GPR143: variants seen among roughly 807,000 people sequenced by gnomAD.
GPR143 encodes the protein G protein-coupled receptor 143, also known as G-protein coupled receptor 143.
Under a neutral mutation model 27.6 loss-of-function variants are expected in GPR143, and 8 were observed. The ratio of observed to expected loss-of-function variants is 0.29; its 90% CI spans 0.17 to 0.52. The LOEUF (loss-of-function observed/expected upper bound fraction) is 0.52, where lower values mean the gene tolerates loss of function less well. Ranked by LOEUF, GPR143 falls within the 20% of genes least tolerant of loss-of-function variation. The probability of loss-of-function intolerance (pLI) is 0.96; values close to 1 mark genes in which losing one functional copy is unlikely to be tolerated. For synonymous variants in GPR143, 156 were observed against 153.2 expected, an observed-to-expected ratio of 1.02 and a Z score of -0.13; for missense variants, 303 against 343.1, an observed-to-expected ratio of 0.88 and a Z score of 0.92.
In GPR143 at chrX:9,743,668, A is replaced by G. The variant is rs149605054; in HGVS notation, c.664T>C (p.Ser222Pro). 1.2e-4 allele frequency: 130 copies of G among 1,081,244 alleles called. No homozygotes were observed. The highest frequency in any genetic ancestry group is 1.5e-4 in the Non-Finnish European group (113 of 777,461). 89.1% of individuals were successfully genotyped at this position (1,081,244 alleles called of 1,213,427 possible). ...LFQKTVTAVA[S>P]LLKGRQGIYT... Reference sequence around the variant, plus strand: ...ATGCCTTGTCTTCCTTTAAGTAAAGAGGCCACTGTGAAGAACAGAAGGAAC... The same window carrying G: ...ATGCCTTGTCTTCCTTTAAGTAAAGGGGCCACTGTGAAGAACAGAAGGAAC... Residue 222 changes from serine (S) to proline (P), a missense_variant, in exon 6 of 9, where the codon TCT becomes CCT. Ser to Pro is a moderately conservative substitution (Grantham distance 74). Coordinates refer to ENST00000467482, the MANE Select transcript of GPR143 (RefSeq NM_000273.3).
chrX:9,738,422 G>A (rs2083387710), intron 8 of GPR143: 1 of 747,292 alleles, frequency 1.3e-6, no homozygotes, highest in African/African-American at 2.3e-5. Flanking sequence ...GTACCAGACG[G>A]AAAGTCTGTA....
chrX:9,735,359 T>G (rs1418873008), intron 8 of GPR143, among the ~76,000 whole-genome samples: 1 of 110,795 alleles, frequency 9.0e-6, no homozygotes, highest in East Asian at 2.9e-4. Flanking sequence ...GCCACAACCG[T>G]CCCCAAACAA....
chrX:9,728,237 A>G (rs923946726), intron 8 of GPR143, among the ~76,000 whole-genome samples: 2 of 110,815 alleles, frequency 1.8e-5, no homozygotes, highest in Non-Finnish European at 3.8e-5. Flanking sequence ...CCCAATAAAC[A>G]TGGGGAATGG....
chrX:9,735,021 TTGA>T (rs1779887215), intron 8 of GPR143, among the ~76,000 whole-genome samples: 1 of 112,085 alleles, frequency 8.9e-6, no homozygotes, highest in South Asian at 3.7e-4. Flanking sequence ...ACACCTCGAC[TTGA>T]TGAGCAGAGA....
intron 1 of GPR143, among the ~76,000 whole-genome samples, chrX:9,764,490 G>T (rs1266558603): frequency 6.2e-5 from 6 of 97,469 alleles, no homozygotes; most frequent in African/African-American, 2.4e-4. Flanking sequence ...CAATAGAAAA[G>T]AATTTACACA....
At chrX:9,727,479 C>T (rs759309324) in intron 8 of GPR143, among the ~76,000 whole-genome samples, 71 of 112,064 alleles carry the variant, frequency 6.3e-4, no homozygotes, top group Non-Finnish European at 8.1e-4. Flanking sequence ...GGCAGGCCAT[C>T]TCCTGCAACA....
intron 6 of GPR143, among the ~76,000 whole-genome samples, chrX:9,742,721 G>A (rs777236563): frequency 3.6e-5 from 4 of 111,884 alleles, no homozygotes; most frequent in South Asian, 3.7e-4. Context: ...TGCTCAGGCC[G>A]TTCTCCAACC....
At chrX:9,726,324 A>G (rs1476155134) in intron 8 of GPR143, among the ~76,000 whole-genome samples, 1 of 111,313 alleles carries the variant, frequency 9.0e-6, no homozygotes, top group Non-Finnish European at 1.9e-5. Flanking sequence ...GAGGGAGACC[A>G]CCGCTCTGTA....
At chrX:9,736,122 G>A (rs978955323) in intron 8 of GPR143, among the ~76,000 whole-genome samples, 14 of 110,869 alleles carry the variant, frequency 1.3e-4, no homozygotes, top group Non-Finnish European at 2.5e-4. Context: ...TGACAGAAGG[G>A]AAGCACATTC....
intron 1 of GPR143, among the ~76,000 whole-genome samples, chrX:9,764,514 A>G (rs1033962990): frequency 0.014 from 207 of 14,487 alleles, no homozygotes; most frequent in African/African-American, 0.029. Flanking sequence ...GCACACACAC[A>G]CACACACACA....
intron 8 of GPR143, among the ~76,000 whole-genome samples, chrX:9,730,316 T>C (rs1326778098): frequency 1.5e-5 from 1 of 65,847 alleles, no homozygotes; most frequent in Non-Finnish European, 2.5e-5. Context: ...GCATGAACCA[T>C]AGAAAACATG....
intron 1 of GPR143, among the ~76,000 whole-genome samples, chrX:9,762,331 A>C (rs976835321): frequency 3.6e-5 from 4 of 110,128 alleles, no homozygotes; most frequent in African/African-American, 1.3e-4. Context: ...TGGAGGTTGC[A>C]GTGAGCCAAG....
chrX:9,765,545 C>CCGCGGGCCG (rs1601891482), intron 1 of GPR143, 23 bp downstream of exon 1: 54 of 1,083,401 alleles, frequency 5.0e-5, no homozygotes, highest in Non-Finnish European at 6.2e-5. Flanking sequence ...AGATTCCAAC[C>CCGCGGGCCG]CGCGGGCCGC....
intron 8 of GPR143, chrX:9,738,445 C>A (rs1374441603): frequency 1.7e-5 from 13 of 743,006 alleles, no homozygotes; most frequent in South Asian, 6.9e-5. Flanking sequence ...TAAATCTTCT[C>A]TCTGTGTCTT....
At chrX:9,774,365 T>C (rs866083444) in intron 1 of GPR143, among the ~76,000 whole-genome samples, 4 of 111,941 alleles carry the variant, frequency 3.6e-5, no homozygotes, top group East Asian at 5.6e-4. Flanking sequence ...ACAAGGCCGG[T>C]TGGTTCCTCA....
chrX:9,755,767 C>T (rs891099194), intron 3 of GPR143, among the ~76,000 whole-genome samples: 30 of 111,866 alleles, frequency 2.7e-4, no homozygotes, highest in Admixed American at 1.2e-3. Context: ...TCACAAGTGT[C>T]CTGGATTGCC....
chrX:9,737,764 C>G (rs1437640700), intron 8 of GPR143, among the ~76,000 whole-genome samples: 1 of 112,130 alleles, frequency 8.9e-6, no homozygotes, highest in African/African-American at 3.2e-5. Flanking sequence ...TATCCCAGCA[C>G]TTTGGGAGGC....
intron 5 of GPR143, among the ~76,000 whole-genome samples, chrX:9,744,691 C>T (rs958302068): frequency 9.0e-5 from 10 of 110,995 alleles, no homozygotes; most frequent in Admixed American, 6.7e-4. Flanking sequence ...GGCAAAAGAG[C>T]GAAACCCCAT....
At chrX:9,758,482 A>G (rs748586026) in intron 3 of GPR143, among the ~76,000 whole-genome samples, 2 of 111,966 alleles carry the variant, frequency 1.8e-5, no homozygotes, top group Admixed American at 1.9e-4. Context: ...AGTGCCCCAG[A>G]TACTAGCCAC....
Sources: gnomAD v4.1 joint callset for allele counts (sites outside exome capture counted in the v4.1 genomes callset) on GRCh38, gnomAD v4.1.1 for gene constraint, MANE v1.5 for transcripts, NCBI Gene and HGNC (gene_info 2026-07-23, HGNC 2026-07-21) for gene names.